The following CAST variants were observed in gnomAD, a reference collection of about 807,000 sequenced individuals.
The protein encoded by CAST is calpastatin.
A neutral mutation model predicts 119.6 loss-of-function variants in CAST; 76 were observed. The observed-to-expected ratio is 0.64, with a 90% confidence interval of 0.53 to 0.77. The LOEUF (loss-of-function observed/expected upper bound fraction) is 0.77. CAST is among the 30% of genes least tolerant of loss of function. CAST has a pLI of 0.00. For missense variants in CAST, 953 were observed against 946.5 expected, an observed-to-expected ratio of 1.01 and a Z score of -0.09; for synonymous variants, 319 against 331.6, an observed-to-expected ratio of 0.96 and a Z score of 0.41.
At chr5:96,683,136 G>A (rs1430212862) in intron 2 of CAST, among the ~76,000 whole-genome samples, 1 of 152,194 alleles carries the variant, frequency 6.6e-6, no homozygotes, top group Non-Finnish European at 1.5e-5. Context: ...AGGTTTGACT[G>A]CTAGGTTTTC....
intron 2 of CAST, among the ~76,000 whole-genome samples, chr5:96,695,096 C>A (rs1183981467): frequency 6.6e-6 from 1 of 152,112 alleles, no homozygotes; most frequent in Admixed American, 6.5e-5. Flanking sequence ...GAGCAGATAT[C>A]CTGCCTTTTA....
chr5:96,291,885 TG>T, the CAST span, among the ~76,000 whole-genome samples: 2 of 144,920 alleles, frequency 1.4e-5, no homozygotes, highest in Non-Finnish European at 3.0e-5. Context: ...TGTGTGTGTG[TG>T]GTGGGGAAGG....
chr5:96,451,877 C>G, the CAST span, among the ~76,000 whole-genome samples: 1 of 152,006 alleles, frequency 6.6e-6, no homozygotes, highest in Non-Finnish European at 1.5e-5. Flanking sequence ...ATGCGGCCAA[C>G]AAACATGAAA....
At chr5:96,381,707 G>A in the CAST span, among the ~76,000 whole-genome samples, 6 of 152,328 alleles carry the variant, frequency 3.9e-5, no homozygotes, top group Non-Finnish European at 7.3e-5. Flanking sequence ...TCTCCTAGGG[G>A]AGCTGTTTGC....
At chr5:96,753,165 T>A (rs997588470) in intron 20 of CAST, among the ~76,000 whole-genome samples, 1 of 152,056 alleles carries the variant, frequency 6.6e-6, no homozygotes. Flanking sequence ...GGCTAATTTT[T>A]AAAAACTTTT....
At chr5:96,355,199 G>C in the CAST span, among the ~76,000 whole-genome samples, 2 of 128,254 alleles carry the variant, frequency 1.6e-5, no homozygotes, top group South Asian at 2.6e-4. Flanking sequence ...CCCCCTGACA[G>C]GCCCCAGTGT....
At chr5:96,543,898 A>G (rs4267885) in intron 1 of CAST, among the ~76,000 whole-genome samples, 93,508 of 151,956 alleles carry the variant, frequency 0.62, 29,115 homozygotes, top group East Asian at 0.86. Flanking sequence ...TGGGCTCTCT[A>G]TTCTGTTCTA....
the CAST span, among the ~76,000 whole-genome samples, chr5:96,479,281 T>A: frequency 1.3e-5 from 2 of 152,202 alleles, no homozygotes; most frequent in African/African-American, 4.8e-5. Context: ...GATTATCTAA[T>A]GTAATTAGTG....
At chr5:96,317,233 G>A in the CAST span, among the ~76,000 whole-genome samples, 1 of 151,422 alleles carries the variant, frequency 6.6e-6, no homozygotes, top group Non-Finnish European at 1.5e-5. Flanking sequence ...GGAGGCCAAG[G>A]CAGGTGGATC....
At chr5:96,174,452 G>A in the CAST span, among the ~76,000 whole-genome samples, 1 of 152,242 alleles carries the variant, frequency 6.6e-6, no homozygotes, top group Non-Finnish European at 1.5e-5. Context: ...GACAGGAGGA[G>A]TTCGCCCTCT....
the CAST span, among the ~76,000 whole-genome samples, chr5:96,364,391 A>C: frequency 1.6e-4 from 24 of 152,336 alleles, no homozygotes; most frequent in Non-Finnish European, 1.5e-4. Context: ...TGATTGGAAT[A>C]GTTTCAGAAG....
chr5:96,633,007 A>G (rs185982045), intron 1 of CAST, among the ~76,000 whole-genome samples: 20 of 152,182 alleles, frequency 1.3e-4, no homozygotes, highest in African/African-American at 4.6e-4. Flanking sequence ...ATTTTGCTCT[A>G]GTTGCCTAGG....
chr5:96,678,788 A>G (rs1171536660), intron 2 of CAST, among the ~76,000 whole-genome samples: 1 of 152,086 alleles, frequency 6.6e-6, no homozygotes, highest in Non-Finnish European at 1.5e-5. Context: ...CAGAGGTTGC[A>G]GTGAGCCGAG....
intron 3 of CAST, among the ~76,000 whole-genome samples, chr5:96,697,150 A>G (rs1282637026): frequency 1.3e-5 from 2 of 152,116 alleles, no homozygotes; most frequent in Admixed American, 1.3e-4. Flanking sequence ...CCTTGTAACA[A>G]AGTGAGACCC....
At chr5:95,984,494 G>A in the CAST span, among the ~76,000 whole-genome samples, 1 of 152,092 alleles carries the variant, frequency 6.6e-6, no homozygotes. Flanking sequence ...ACAAGAAAAA[G>A]TCACTGGAAG....
chr5:96,216,978 A>G, the CAST span, among the ~76,000 whole-genome samples: 1 of 152,144 alleles, frequency 6.6e-6, no homozygotes, highest in Non-Finnish European at 1.5e-5. Flanking sequence ...ACTTTACATC[A>G]CACAGAAAAT....
At chr5:96,232,526 G>A in the CAST span, among the ~76,000 whole-genome samples, 1 of 152,042 alleles carries the variant, frequency 6.6e-6, no homozygotes, top group African/African-American at 2.4e-5. Flanking sequence ...GATTGTTTTA[G>A]AATTTATGGT....
the CAST span, among the ~76,000 whole-genome samples, chr5:96,480,224 G>T: frequency 6.6e-6 from 1 of 152,158 alleles, no homozygotes; most frequent in Admixed American, 6.5e-5. Context: ...TATTGGGGAG[G>T]TTCAGGCAGG....
chr5:96,513,942 T>G, the CAST span, among the ~76,000 whole-genome samples: 2 of 152,176 alleles, frequency 1.3e-5, no homozygotes, highest in Non-Finnish European at 2.9e-5. Context: ...CAACAATCCT[T>G]GCCATTCCTT....
Sources: allele counts gnomAD v4.1 joint callset (sites outside exome capture counted in the v4.1 genomes callset), GRCh38; gene constraint gnomAD v4.1.1; transcripts MANE v1.5; gene names NCBI Gene and HGNC (gene_info 2026-07-23, HGNC 2026-07-21).